Variants in HERC1 observed in about 807,000 individuals in gnomAD.
The protein encoded by HERC1 is HECT and RLD domain containing E3 ubiquitin protein ligase family member 1.
In HERC1, 160 loss-of-function variants were observed where a neutral mutation model predicts 554.3. The observed-to-expected ratio is 0.29, with a 90% CI of 0.25 to 0.33. HERC1 has a LOEUF of 0.33. Among genes scored for constraint, HERC1 ranks in the 10% least tolerant of loss-of-function variants. HERC1 has a pLI of 1.00. For synonymous variants in HERC1, 2,175 were observed against 2,131.7 expected, an observed-to-expected ratio of 1.02 and a Z score of -0.56; for missense variants, 4,919 against 5,918.5, an observed-to-expected ratio of 0.83 and a Z score of 5.54.
chr15:63,813,526 GA>G (rs2077399074), intron 1 of HERC1, among the ~76,000 whole-genome samples: 1 of 151,438 alleles, frequency 6.6e-6, no homozygotes, highest in South Asian at 2.1e-4. Context: ...AAAGTCTAAA[GA>G]AAAAACAATA....
intron 33 of HERC1, among the ~76,000 whole-genome samples, chr15:63,688,858 C>T (rs891746391): frequency 6.6e-6 from 1 of 151,676 alleles, no homozygotes; most frequent in Admixed American, 6.6e-5. Context: ...GTGGTGCTTT[C>T]AATCAGAAAT....
intron 73 of HERC1, among the ~76,000 whole-genome samples, chr15:63,623,191 C>T (rs1024326160): frequency 6.6e-6 from 1 of 152,160 alleles, no homozygotes; most frequent in African/African-American, 2.4e-5. Flanking sequence ...TAATGATAGC[C>T]AACCATTATT....
chr15:63,683,085 G>A lies in HERC1; in HGVS notation c.6226-2309C>T, dbSNP rs1465672705. Among the ~76,000 whole-genome samples, 8 of 145,846 alleles carry A rather than the reference G, an allele frequency of 5.5e-5. No homozygotes were observed. The South Asian group carries it at 1.1e-3, about 20-fold the overall frequency. On this transcript the variant is annotated intron_variant, in intron 34 of 77. Transcript: ENST00000443617. ...TGGCAGGTGGAGGTTGCAGGGAGCC[G>A]AGCTTGTGCCACTGCACTCCAGCCT...
rs1182825828 is a variant in HERC1, at chr15:63,749,710, G to C, written c.1984C>G (p.Leu662Val). ...TALRPKLIEELAATRIVDVSI... is the reference protein window; with the variant it reads ...TALRPKLIEEVAATRIVDVSI... Reference sequence around the variant, plus strand: ...ACATCAACTATTCTTGTGGCAGCCAGTTCTTCAATAAGCTTGGGTCTCAAA... The same window carrying C: ...ACATCAACTATTCTTGTGGCAGCCACTTCTTCAATAAGCTTGGGTCTCAAA... Residue 662 changes from leucine to valine, a missense_variant, in exon 9 of 78, where the codon CTG becomes GTG. Around this residue, in one of 11 missense-constraint regions of HERC1, gnomAD observed 744 missense variants for 1,090.0 expected, o/e 0.68. Transcript: ENST00000443617. The surrounding 1 kb of genome is among the most constrained non-coding windows in gnomAD (Gnocchi z 4.1). 6.3e-7 allele frequency: 1 copy of C among 1,587,732 alleles called. No individual in the cohort carries two copies. Among genetic ancestry groups the C allele is most frequent in the Admixed American group, 1.8e-5 (1 of 56,140 alleles).
At chr15:63,701,962 CCTACTAT>C in intron 25 of HERC1, among the ~76,000 whole-genome samples, 1 of 152,166 alleles carries the variant, frequency 6.6e-6, no homozygotes, top group Non-Finnish European at 1.5e-5. Context: ...TTCAGAATCA[CCTACTAT>C]ATAAAGAAAA....
chr15:63,608,917 A>T lies in HERC1; in HGVS notation c.*164T>A. 1.9e-6 allele frequency: 1 copy of T among 536,630 alleles called. No homozygotes were observed. The highest frequency in any genetic ancestry group is 3.0e-6 in the Non-Finnish European group (1 of 336,146). The allele number at this position is 536,630 out of a possible 1,614,324, so 33.2% of individuals were successfully genotyped here. On this transcript the variant is annotated 3_prime_UTR_variant, in exon 78 of 78. Transcript: ENST00000443617. ...TGTACAATCACAGAAAAATAAAAAC[A>T]TCTAATTTCTTTGTTACATTTAGAG... is the stretch of plus-strand genomic sequence containing the variant.
chr15:63,719,494 G>T (rs2073716105), intron 19 of HERC1, among the ~76,000 whole-genome samples: 1 of 152,216 alleles, frequency 6.6e-6, no homozygotes, highest in African/African-American at 2.4e-5. Context: ...TTTTACTCGG[G>T]GAAAAATGAG....
chr15:63,649,919 T>A lies in HERC1; in HGVS notation c.10553A>T (p.Lys3518Ile). The change falls in exon 54 of 78, where the codon AAA (lysine) becomes ATA (isoleucine). Residue 3518 changes from lysine (K) to isoleucine (I), a missense_variant. Lys to Ile is a moderately radical substitution (Grantham distance 102). Coordinates refer to ENST00000443617, the MANE Select transcript of HERC1 (RefSeq NM_003922.4). ...MVNIWQVNGGKGLVDIQPHWV... is the reference protein window; with the variant it reads ...MVNIWQVNGGIGLVDIQPHWV... The stretch of plus-strand genomic sequence containing the variant: ...ATGAGGCTGAATATCTACTAATCCT[T>A]TTCCTCCTAAAAGGGAAAAAATGTT... 6.2e-7 allele frequency: 1 copy of A among 1,600,118 alleles called. No individual in the cohort carries two copies. The highest frequency in any genetic ancestry group is 1.1e-5 in the South Asian group (1 of 88,632).
intron 12 of HERC1, among the ~76,000 whole-genome samples, chr15:63,742,961 G>A (rs757510326): frequency 1.3e-5 from 2 of 152,010 alleles, no homozygotes; most frequent in Non-Finnish European, 1.5e-5. Flanking sequence ...GCAATGTTTT[G>A]GTCCACAATT....
At chr15:63,671,563 T>G (rs564777069) in intron 39 of HERC1, among the ~76,000 whole-genome samples, 4 of 152,148 alleles carry the variant, frequency 2.6e-5, no homozygotes, top group Non-Finnish European at 5.9e-5. Context: ...ATTCTCAAAG[T>G]GTACGCTGAA....
chr15:63,678,856 T>G (rs1488536437), intron 36 of HERC1, among the ~76,000 whole-genome samples: 2 of 152,244 alleles, frequency 1.3e-5, no homozygotes, highest in Non-Finnish European at 2.9e-5. Flanking sequence ...CATAACTCTG[T>G]ATAATCTTGG....
chr15:63,638,313 T>C, intron 63 of HERC1, 98 bp downstream of exon 63: 1 of 1,252,740 alleles, frequency 8.0e-7, no homozygotes, highest in South Asian at 1.4e-5. Context: ...TCATAATAGA[T>C]TATGAAATGG....
chr15:63,795,057 C>A (rs1340183569), intron 1 of HERC1, among the ~76,000 whole-genome samples: 1 of 104,488 alleles, frequency 9.6e-6, no homozygotes, highest in African/African-American at 3.9e-5. Context: ...CAGAGCAAGA[C>A]TCTGTCTCAA....
intron 1 of HERC1, among the ~76,000 whole-genome samples, chr15:63,808,027 T>C (rs2077186073): frequency 6.6e-6 from 1 of 152,208 alleles, no homozygotes; most frequent in East Asian, 1.9e-4. Flanking sequence ...TTGTTCATCA[T>C]ATATCCCCTA....
chr15:63,627,086 C>A (rs1372055337), intron 70 of HERC1, among the ~76,000 whole-genome samples: 1 of 152,112 alleles, frequency 6.6e-6, no homozygotes, highest in Non-Finnish European at 1.5e-5. Flanking sequence ...AAGTGAAATC[C>A]CTCTGAAGCC....
intron 46 of HERC1, among the ~76,000 whole-genome samples, chr15:63,660,541 A>G (rs1427665294): frequency 6.6e-6 from 1 of 152,186 alleles, no homozygotes; most frequent in Non-Finnish European, 1.5e-5. Flanking sequence ...AGAGGTTTAA[A>G]CTAATTAAAA....
chr15:63,686,274 AGTCT>A, intron 34 of HERC1, 81 bp downstream of exon 34: 1 of 972,458 alleles, frequency 1.0e-6, no homozygotes, highest in Non-Finnish European at 1.5e-6. Context: ...ATTTTTTTTC[AGTCT>A]TTCTACACAT....
intron 31 of HERC1, among the ~76,000 whole-genome samples, chr15:63,691,741 T>C (rs1218629533): frequency 6.6e-6 from 1 of 152,162 alleles, no homozygotes; most frequent in African/African-American, 2.4e-5. Flanking sequence ...GATTACATTA[T>C]GTTTTGGCAT....
rs146396801 is a variant in HERC1 at position 63,615,557 on chromosome 15, C to G, written c.14094+211G>C. 2.9e-3 allele frequency among the ~76,000 whole-genome samples: 446 copies of G among 152,344 alleles called. 1 individual carries two copies. The highest frequency in any genetic ancestry group is 0.01 in the Middle Eastern group (3 of 294). The stretch of plus-strand genomic sequence containing the variant: ...CCCAGGAGGCAGAGGCTGCAGTGAG[C>G]TGAGACTGAACCACTGCACTCCAGC... On this transcript the variant is annotated intron_variant, in intron 76 of 77. Coordinates refer to ENST00000443617, the MANE Select transcript of HERC1 (RefSeq NM_003922.4).
Sources: gnomAD v4.1 joint callset for allele counts (sites outside exome capture counted in the v4.1 genomes callset) on GRCh38, gnomAD v4.1.1 for gene constraint, gnomAD v4.1.1 regional missense constraint, Gnocchi (gnomAD v3.1) non-coding constraint, MANE v1.5 for transcripts, NCBI Gene and HGNC (gene_info 2026-07-23, HGNC 2026-07-21) for gene names.